The following IYD variants were observed in gnomAD, a reference collection of about 807,000 sequenced individuals.
IYD encodes iodotyrosine deiodinase 1.
Under a neutral mutation model 28.4 loss-of-function variants are expected in IYD, and 25 were observed. That is an observed-to-expected ratio of 0.88 (90% CI 0.64 to 1.23). The LOEUF (loss-of-function observed/expected upper bound fraction) is 1.23. IYD is among the 50% of genes most tolerant of loss of function. IYD has a pLI of 0.00. For missense variants in IYD, 352 were observed against 357.9 expected (o/e 0.98, Z 0.13); for synonymous variants, 140 against 130.8 (o/e 1.07, Z -0.48).
At chr6:150,394,641 A>T (rs1778243784) in intron 4 of IYD, among the ~76,000 whole-genome samples, 1 of 152,216 alleles carries the variant, frequency 6.6e-6, no homozygotes, top group South Asian at 2.1e-4. Context: ...AGGGCTCTTC[A>T]TAGAGGCCCT....
At chr6:150,379,591 T>C (rs666147) in intron 1 of IYD, among the ~76,000 whole-genome samples, 62,718 of 152,122 alleles carry the variant, frequency 0.41, 14,537 homozygotes, top group Non-Finnish European at 0.54. Context: ...TGTTTAAATA[T>C]ATAAGGAATA....
chr6:150,369,256 G>T, intron 1 of IYD, 47 bp downstream of exon 1: 1 of 1,578,272 alleles, frequency 6.3e-7, no homozygotes, highest in Non-Finnish European at 8.7e-7. Context: ...GTGTTGTGTT[G>T]ATGATGAGTG....
rs1554231453 is a variant in IYD, at chr6:150,388,627, TTTGC to T, written c.179-722_179-719del. ...TTTTCTAGATTTATAGTCTGGAGTT[TTTGC>T]TTTCTTTCTTTCTTTCTTTCTTTCT... On this transcript the variant is annotated intron_variant, in intron 1 of 4. Transcript: ENST00000344419. 7.6e-3 allele frequency among the ~76,000 whole-genome samples: 986 copies of T among 129,044 alleles called. 17 individuals are homozygous for T. Among genetic ancestry groups the T allele is most frequent in the Non-Finnish European group, 0.011 (664 of 61,748 alleles). The allele number at this position is 129,044 out of a possible 152,430, so 84.7% of individuals were successfully genotyped here.
At chr6:150,376,943 G>A (rs7773002) in intron 1 of IYD, among the ~76,000 whole-genome samples, 51 of 152,278 alleles carry the variant, frequency 3.3e-4, no homozygotes, top group African/African-American at 1.2e-3. Context: ...CTTTTGGAAA[G>A]AAATGCCCCT....
In IYD at chr6:150,398,904, A is replaced by G. The variant is rs1340824368; in HGVS notation, c.*667A>G. The G allele has an allele frequency of 1.3e-5, 2 of 152,272 alleles. No individual in the cohort carries two copies. Among genetic ancestry groups the G allele is most frequent in the Admixed American group, 6.6e-5 (1 of 15,258 alleles). The allele number at this position is 152,272 out of a possible 1,614,324, so 9.4% of individuals were successfully genotyped here. On this transcript the variant is annotated 3_prime_UTR_variant, in exon 5 of 5. Transcript: ENST00000344419. ...TAAAAATACAAAAAATTAGCTGGGC[A>G]TGCACTTGTAATTCCAGCTACTCAG...
chr6:150,392,537 C>G lies in IYD; in HGVS notation c.530+33C>G, dbSNP rs753068449. 3 of 1,609,990 alleles carry G rather than the reference C, an allele frequency of 1.9e-6. No homozygotes were observed. The African/African-American group carries it at 4.0e-5, about 22-fold the overall frequency. ...CAGTGGTGGAACTGGGGATGTTTGC[C>G]TTGGCCTCTTAAAATAAAATCACCA... On this transcript the variant is annotated intron_variant, in intron 3 of 4. Coordinates refer to ENST00000344419, the MANE Select transcript of IYD (RefSeq NM_203395.3).
At chr6:150,373,841 C>T (rs1777355041) in intron 1 of IYD, among the ~76,000 whole-genome samples, 1 of 152,226 alleles carries the variant, frequency 6.6e-6, no homozygotes, top group Non-Finnish European at 1.5e-5. Flanking sequence ...GTCTTAGACA[C>T]ACCTAGACAT....
At chr6:150,393,259 C>G (rs1778192794) in intron 3 of IYD, among the ~76,000 whole-genome samples, 1 of 152,174 alleles carries the variant, frequency 6.6e-6, no homozygotes, top group South Asian at 2.1e-4. Context: ...TGCCCAGTGG[C>G]CAAGACAGCC....
rs555608047 is a variant in IYD, at chr6:150,403,001, C to T, written c.*4764C>T. On this transcript the variant is annotated 3_prime_UTR_variant, in exon 5 of 5. Coordinates refer to ENST00000344419, the MANE Select transcript of IYD (RefSeq NM_203395.3). ...AGAATGCAGTGGTGTGATTATAGCT[C>T]ACTGCAGCCTCCAACTTCTGGACTC... The T allele has an allele frequency of 6.6e-6, 1 of 152,284 alleles. No homozygotes were observed. Among genetic ancestry groups the T allele is most frequent in the African/African-American group, 2.4e-5 (1 of 41,542 alleles). 9.4% of individuals were successfully genotyped at this position (152,284 alleles called of 1,614,324 possible). A position where few individuals can be genotyped will look rare whatever the true frequency, so the allele number is the denominator to read the frequency against.
At position 150,403,059 on chromosome 6, in the gene IYD, C is replaced by T. The variant is rs575308352; in HGVS notation, c.*4822C>T. 1 of 152,182 alleles carries T rather than the reference C, an allele frequency of 6.6e-6. No individual in the cohort carries two copies. Among genetic ancestry groups the T allele is most frequent in the East Asian group, 1.9e-4 (1 of 5,192 alleles). The allele number at this position is 152,182 out of a possible 1,614,324, so 9.4% of individuals were successfully genotyped here. A position where few individuals can be genotyped will look rare whatever the true frequency, so the allele number is the denominator to read the frequency against. On this transcript the variant is annotated 3_prime_UTR_variant, in exon 5 of 5. Transcript: ENST00000344419. ...CCTCCCACCTTAGCTTCCCAGGTAGCTGGGATACAGGTGCACGCCACCACA... is the reference window on the plus strand; with the variant it reads ...CCTCCCACCTTAGCTTCCCAGGTAGTTGGGATACAGGTGCACGCCACCACA...
intron 1 of IYD, among the ~76,000 whole-genome samples, chr6:150,379,289 G>A (rs1433464872): frequency 1.3e-5 from 2 of 152,162 alleles, no homozygotes; most frequent in Non-Finnish European, 2.9e-5. Context: ...GCACACCCCT[G>A]TCATTCTTTC....
rs1447009719 is a variant in IYD at position 150,404,128 on chromosome 6, GAGTTGTCCA to G, written c.*5892_*5900del. 3 of 152,178 alleles carry G rather than the reference GAGTTGTCCA, an allele frequency of 2.0e-5. No individual in the cohort carries two copies. Among genetic ancestry groups the G allele is most frequent in the African/African-American group, 4.8e-5 (2 of 41,442 alleles). The allele number at this position is 152,178 out of a possible 1,614,324, so 9.4% of individuals were successfully genotyped here. A position where few individuals can be genotyped will look rare whatever the true frequency, so the allele number is the denominator to read the frequency against. On this transcript the variant is annotated 3_prime_UTR_variant, in exon 5 of 5. Transcript: ENST00000344419. ...GATCCTAAGCAACCTCTGCTCATCTGAGTTGTCCACCATATTGTGGGCATGAGTCCTTGA... is the reference window on the plus strand; with the variant it reads ...GATCCTAAGCAACCTCTGCTCATCTGCCATATTGTGGGCATGAGTCCTTGA...
chr6:150,382,667 C>T (rs1777692507), intron 1 of IYD, among the ~76,000 whole-genome samples: 1 of 152,178 alleles, frequency 6.6e-6, no homozygotes, highest in Admixed American at 6.5e-5. Flanking sequence ...TTCCATGCTA[C>T]ATTTTGGATA....
intron 3 of IYD, among the ~76,000 whole-genome samples, chr6:150,393,826 C>G (rs116846248): frequency 6.6e-6 from 1 of 152,154 alleles, no homozygotes; most frequent in East Asian, 1.9e-4. Context: ...TGAATTTTGA[C>G]CCAGTGCATG....
chr6:150,388,465 G>A (rs913478329), intron 1 of IYD, among the ~76,000 whole-genome samples: 3 of 152,090 alleles, frequency 2.0e-5, no homozygotes, highest in Non-Finnish European at 2.9e-5. Flanking sequence ...TAGGCTCAAC[G>A]ATTTTAAAAA....
rs1778469210 is a variant in IYD, at chr6:150,400,234, G to A, written c.*1997G>A. The A allele has an allele frequency of 6.6e-6, 1 of 152,182 alleles. No individual in the cohort carries two copies. Among genetic ancestry groups the A allele is most frequent in the Non-Finnish European group, 1.5e-5 (1 of 68,046 alleles). 9.4% of individuals were successfully genotyped at this position (152,182 alleles called of 1,614,324 possible). A position where few individuals can be genotyped will look rare whatever the true frequency, so the allele number is the denominator to read the frequency against. On this transcript the variant is annotated 3_prime_UTR_variant, in exon 5 of 5. Transcript: ENST00000344419. ...CTTGAAAGATTTTTTTCTCTGTGTA[G>A]TTCGTGTTATCAATCTGATCTGCAG... is the stretch of plus-strand genomic sequence containing the variant.
At chr6:150,394,382 G>A (rs1427078708) in intron 4 of IYD, 127 bp downstream of exon 4, 3 of 974,642 alleles carry the variant, frequency 3.1e-6, no homozygotes, top group Non-Finnish European at 3.2e-6. Flanking sequence ...TAACTCTGAT[G>A]TGAAAACTGA....
intron 4 of IYD, 63 bp downstream of exon 4, chr6:150,394,318 T>C: frequency 6.3e-7 from 1 of 1,580,874 alleles, no homozygotes; most frequent in Non-Finnish European, 8.7e-7. Context: ...GAGTTTTCAA[T>C]TCAGGGACAT....
intron 1 of IYD, among the ~76,000 whole-genome samples, chr6:150,375,078 A>G (rs1267593839): frequency 6.6e-6 from 1 of 152,186 alleles, no homozygotes. Context: ...CAGTGCTACT[A>G]ATGAAATAAT....
Sources: gnomAD v4.1 joint callset for allele counts (sites outside exome capture counted in the v4.1 genomes callset) on GRCh38, gnomAD v4.1.1 for gene constraint, MANE v1.5 for transcripts, NCBI Gene and HGNC (gene_info 2026-07-23, HGNC 2026-07-21) for gene names.